NDUFAF6: variants seen among roughly 807,000 people sequenced by gnomAD.
The protein encoded by NDUFAF6 is NADH:ubiquinone oxidoreductase complex assembly factor 6.
Under a neutral mutation model 40.8 loss-of-function variants are expected in NDUFAF6, and 45 were observed. The ratio of observed to expected loss-of-function variants is 1.10; its 90% confidence interval spans 0.87 to 1.42. The LOEUF is 1.42. NDUFAF6 is among the 40% of genes most tolerant of loss of function. The pLI, the probability that NDUFAF6 is intolerant of heterozygous loss-of-function variation, is 0.00. For synonymous variants in NDUFAF6, 185 were observed against 155.9 expected (o/e 1.19, Z -1.39); for missense variants, 435 against 418.5 (o/e 1.04, Z -0.34).
intron 9 of NDUFAF6, among the ~76,000 whole-genome samples, chr8:95,073,442 G>T (rs1200299906): frequency 6.6e-6 from 1 of 152,198 alleles, no homozygotes; most frequent in Non-Finnish European, 1.5e-5. Flanking sequence ...GGGAGGGACT[G>T]GAGGTGAAGT....
intron 1 of NDUFAF6, among the ~76,000 whole-genome samples, chr8:94,977,559 C>G (rs919937272): frequency 1.3e-5 from 2 of 148,900 alleles, no homozygotes; most frequent in African/African-American, 4.9e-5. Context: ...CTGGCTAGAA[C>G]GAAGCAGGCA....
intron 9 of NDUFAF6, among the ~76,000 whole-genome samples, chr8:95,066,287 CTTTTTT>C (rs11302193): frequency 9.9e-4 from 82 of 82,906 alleles, no homozygotes; most frequent in African/African-American, 3.8e-3. Flanking sequence ...TGCTTGCTTG[CTTTTTT>C]TTTTTTTTTT....
intron 2 of NDUFAF6, among the ~76,000 whole-genome samples, chr8:95,018,177 C>T (rs1317888822): frequency 6.6e-6 from 1 of 150,412 alleles, no homozygotes; most frequent in Non-Finnish European, 1.5e-5. Flanking sequence ...GTAGCTGGGA[C>T]CACAGGTGGG....
intron 1 of NDUFAF6, among the ~76,000 whole-genome samples, chr8:95,028,705 TAGAC>T (rs919940883): frequency 2.6e-5 from 4 of 152,182 alleles, no homozygotes; most frequent in African/African-American, 7.2e-5. Flanking sequence ...AATTGGGAAA[TAGAC>T]AGGAGTGATT....
chr8:95,049,640 C>T (rs111914583), intron 7 of NDUFAF6, among the ~76,000 whole-genome samples: 6 of 152,120 alleles, frequency 3.9e-5, no homozygotes, highest in African/African-American at 9.7e-5. Context: ...GGCTTTTGCA[C>T]TTGCTGTTTT....
chr8:94,998,661 C>T lies in NDUFAF6; in HGVS notation c.-84+17688C>T, dbSNP rs186554529. Among the ~76,000 whole-genome samples, 23 of 152,204 alleles carry T rather than the reference C, an allele frequency of 1.5e-4. No homozygotes were observed. The East Asian group carries it at 4.4e-3, about 29-fold the overall frequency. On this transcript the variant is annotated intron_variant, in intron 2 of 9. Transcript: ENST00000396111. The stretch of plus-strand genomic sequence containing the variant: ...CCCACATGAGTAGAAGAGGCAGACA[C>T]CTTTGGAAGCAGCTGCTGCCCAGTG...
chr8:95,114,495 T>C (rs925878484), intron 4 of NDUFAF6, among the ~76,000 whole-genome samples: 3 of 152,262 alleles, frequency 2.0e-5, no homozygotes, highest in Non-Finnish European at 4.4e-5. Flanking sequence ...GGAGGTGTAC[T>C]TCACAGGAAC....
At chr8:95,003,492 A>T (rs757408666) in intron 2 of NDUFAF6, among the ~76,000 whole-genome samples, 32 of 152,336 alleles carry the variant, frequency 2.1e-4, no homozygotes, top group Non-Finnish European at 3.8e-4. Context: ...GAGAATTTAG[A>T]GACAGGTCTA....
intron 2 of NDUFAF6, among the ~76,000 whole-genome samples, chr8:94,992,195 A>G (rs1826224556): frequency 6.6e-6 from 1 of 152,180 alleles, no homozygotes; most frequent in African/African-American, 2.4e-5. Flanking sequence ...GTCCTTAAAA[A>G]TATGACATGT....
At chr8:94,957,562 C>T (rs191506209), upstream of NDUFAF6, among the ~76,000 whole-genome samples, 1 of 152,274 alleles carries the variant, frequency 6.6e-6, no homozygotes. Context: ...TGACCACCTG[C>T]AGAGAAGCCA....
chr8:95,093,561 G>T (rs1323183808), intron 2 of NDUFAF6, among the ~76,000 whole-genome samples: 3 of 152,164 alleles, frequency 2.0e-5, no homozygotes, highest in Admixed American at 2.0e-4. Context: ...AACTAATGAG[G>T]ATTCCAAAAG....
intron 8 of NDUFAF6, among the ~76,000 whole-genome samples, chr8:95,052,684 C>T (rs1367793662): frequency 1.3e-5 from 2 of 152,076 alleles, no homozygotes; most frequent in Non-Finnish European, 2.9e-5. Context: ...GGTTCATAGC[C>T]CACTGCTGAG....
At chr8:95,018,934 A>G (rs1827578772) in intron 2 of NDUFAF6, among the ~76,000 whole-genome samples, 1 of 152,218 alleles carries the variant, frequency 6.6e-6, no homozygotes, top group Non-Finnish European at 1.5e-5. Flanking sequence ...TCTGGTACAT[A>G]GCTGTAACTC....
At chr8:95,059,803 C>T (rs757779233), downstream of NDUFAF6, among the ~76,000 whole-genome samples, 1 of 151,796 alleles carries the variant, frequency 6.6e-6, no homozygotes, top group Non-Finnish European at 1.5e-5. Context: ...GAGCTGAGAT[C>T]GTGCCACTGC....
chr8:94,952,189 G>A (rs1822681622), intron 2 of NDUFAF6, among the ~76,000 whole-genome samples: 1 of 152,218 alleles, frequency 6.6e-6, no homozygotes, highest in Non-Finnish European at 1.5e-5. Flanking sequence ...TCACAGTGCA[G>A]GACCACATTC....
At chr8:94,984,681 G>C (rs988960858) in intron 2 of NDUFAF6, among the ~76,000 whole-genome samples, 2 of 152,186 alleles carry the variant, frequency 1.3e-5, no homozygotes, top group Admixed American at 6.5e-5. Flanking sequence ...AGTGGTGTTT[G>C]AGTAGCATCT....
At chr8:94,983,342 G>A (rs552090887) in intron 2 of NDUFAF6, among the ~76,000 whole-genome samples, 108 of 131,660 alleles carry the variant, frequency 8.2e-4, no homozygotes, top group African/African-American at 3.0e-3. Flanking sequence ...TTGGCTCACC[G>A]CAATCTCTGC....
chr8:94,927,615 T>C (rs1450827739), intron 1 of NDUFAF6: 1 of 152,172 alleles, frequency 6.6e-6, no homozygotes, highest in African/African-American at 2.4e-5. Context: ...AATGGATGGC[T>C]AATTTTCACC....
At chr8:94,944,879 C>CA (rs1338986049) in intron 1 of NDUFAF6, among the ~76,000 whole-genome samples, 3 of 152,078 alleles carry the variant, frequency 2.0e-5, no homozygotes, top group Non-Finnish European at 4.4e-5. Context: ...ACTTCTAGCA[C>CA]AAAAAAGTGA....
Sources: allele counts gnomAD v4.1 joint callset (sites outside exome capture counted in the v4.1 genomes callset), GRCh38; gene constraint gnomAD v4.1.1; transcripts MANE v1.5; gene names NCBI Gene and HGNC (gene_info 2026-07-23, HGNC 2026-07-21).